CUX1: variants seen among roughly 807,000 people sequenced by gnomAD.
The protein encoded by CUX1 is protein CASP.
CUX1 carries 31 observed loss-of-function variants against 158.8 expected under a neutral mutation model. The observed-to-expected ratio is 0.20, with a 90% confidence interval of 0.15 to 0.26. The LOEUF (loss-of-function observed/expected upper bound fraction) is 0.26, where lower values mean the gene tolerates loss of function less well. Ranked by LOEUF, CUX1 falls within the 10% of genes least tolerant of loss-of-function variation. The pLI is 1.00. For missense variants in CUX1, 1,589 were observed against 2,014.6 expected (o/e 0.79, Z 4.04); for synonymous variants, 879 against 862.1 (o/e 1.02, Z -0.34).
At chr7:102,033,832 A>T (rs906906786) in intron 3 of CUX1, among the ~76,000 whole-genome samples, 2 of 152,132 alleles carry the variant, frequency 1.3e-5, no homozygotes, top group African/African-American at 4.8e-5. Flanking sequence ...CAAGAACAGT[A>T]CAAGAAAGGA....
At chr7:102,241,881 G>A (rs1349913420) in intron 23 of CUX1, among the ~76,000 whole-genome samples, 1 of 152,208 alleles carries the variant, frequency 6.6e-6, no homozygotes, top group Non-Finnish European at 1.5e-5. Context: ...GAGGTGGGAG[G>A]ATCACTTGAG....
At position 102,253,954 on chromosome 7, in the gene CUX1, A is replaced by G. The variant is rs113969687; in HGVS notation, c.*4912A>G. On this transcript the variant is annotated 3_prime_UTR_variant, in exon 24 of 24. Coordinates refer to ENST00000292535, the MANE Select transcript of CUX1 (RefSeq NM_181552.4). ...TCTACCTCACTAACCTGTCTTCTCC[A>G]TCTGATGTCACCCAGAACCACACCC... 10 of 985,298 alleles carry G rather than the reference A, an allele frequency of 1.0e-5. No homozygotes were observed. Among genetic ancestry groups the G allele is most frequent in the Non-Finnish European group, 1.1e-5 (9 of 829,986 alleles). 61.0% of individuals were successfully genotyped at this position (985,298 alleles called of 1,614,324 possible). A position where few individuals can be genotyped will look rare whatever the true frequency, so the allele number is the denominator to read the frequency against.
At chr7:101,852,479 A>G (rs953317813) in intron 1 of CUX1, among the ~76,000 whole-genome samples, 3 of 151,844 alleles carry the variant, frequency 2.0e-5, no homozygotes, top group African/African-American at 7.2e-5. Flanking sequence ...TTAGCTGGGC[A>G]TCGTGGCACA....
In CUX1 at chr7:102,205,099, CT is replaced by C; in HGVS notation, c.3074-10del. Reference sequence around the variant, plus strand: ...CCGCGTTCCTTCCTTTAATTATAACCTTTTTCTACTTTAGTCCTCCACTCCG... The same window carrying C: ...CCGCGTTCCTTCCTTTAATTATAACCTTTTCTACTTTAGTCCTCCACTCCG... On this transcript the variant is annotated splice_polypyrimidine_tract_variant and intron_variant, in intron 19 of 23. Transcript: ENST00000292535. 1.3e-6 allele frequency: 2 copies of C among 1,592,334 alleles called. No individual in the cohort carries two copies. Among genetic ancestry groups the C allele is most frequent in the Non-Finnish European group, 1.7e-6 (2 of 1,160,994 alleles).
intron 23 of CUX1, among the ~76,000 whole-genome samples, chr7:102,247,431 C>T (rs1046310911): frequency 4.6e-5 from 7 of 152,224 alleles, no homozygotes; most frequent in East Asian, 1.9e-4. Flanking sequence ...GCACACCAGG[C>T]GCCAGTGCAA....
chr7:102,139,244 T>TAAA lies in CUX1; in HGVS notation c.675-19295_675-19293dup, dbSNP rs11459794. ...TGGGCAACAGAGAGAGACTACATCT[T>TAAA]AAAAAAAAAAAAAAAAAAAAAAAGG... On this transcript the variant is annotated intron_variant, in intron 8 of 23. Coordinates refer to ENST00000292535, the MANE Select transcript of CUX1 (RefSeq NM_181552.4). Among the ~76,000 whole-genome samples, 198 of 93,128 alleles carry TAAA rather than the reference T, an allele frequency of 2.1e-3. 1 individual carries two copies. The highest frequency in any genetic ancestry group is 7.8e-3 in the African/African-American group (178 of 22,862). 61.1% of individuals were successfully genotyped at this position (93,128 alleles called of 152,430 possible).
In CUX1 at chr7:101,916,774, G is replaced by T. The variant is rs1350920127; in HGVS notation, c.141+549G>T. Among the ~76,000 whole-genome samples the T allele has an allele frequency of 6.6e-6, 1 of 152,194 alleles. No individual in the cohort carries two copies. Among genetic ancestry groups the T allele is most frequent in the African/African-American group, 2.4e-5 (1 of 41,450 alleles). ...ATATGCCGTAAAGGGCAATGGAAAT[G>T]TGCTTTTTATATACTCCTGTTTTTT... On this transcript the variant is annotated intron_variant, in intron 2 of 23. Transcript: ENST00000292535. This position sits in a 1 kb window ranked among gnomAD's most constrained non-coding sequence, Gnocchi z 4.4.
Position 101,916,594 on chromosome 7 carries a change from TGGGGTGGAA to T in CUX1, c.141+372_141+380del. 4.5e-6 allele frequency: 1 copy of T among 224,148 alleles called. No individual in the cohort carries two copies. The highest frequency in any genetic ancestry group is 9.3e-6 in the Non-Finnish European group (1 of 107,492). The allele number at this position is 224,148 out of a possible 1,614,324, so 13.9% of individuals were successfully genotyped here. A position where few individuals can be genotyped will look rare whatever the true frequency, so the allele number is the denominator to read the frequency against. On this transcript the variant is annotated intron_variant, in intron 2 of 23. Coordinates refer to ENST00000292535, the MANE Select transcript of CUX1 (RefSeq NM_181552.4). This position sits in a 1 kb window ranked among gnomAD's most constrained non-coding sequence, Gnocchi z 4.4. The stretch of plus-strand genomic sequence containing the variant: ...CCACCAAAGTCCATAAGGGATCCTG[TGGGGTGGAA>T]GGTCCGCGGGGCCTGCTTCCCTGTT...
In CUX1 at chr7:102,239,335, G is replaced by A. The variant is rs1238350719; in HGVS notation, c.3638G>A (p.Arg1213Gln). The change falls in exon 23 of 24, where the codon CGG becomes CAG. Residue 1213 changes from arginine (R) to glutamine (Q), a missense_variant. Arg to Gln is a conservative substitution (Grantham distance 43, BLOSUM62 1). Transcript: ENST00000292535. ...RMEKKAYMKR[R>Q]HSSVSDSQPC... ...TCCTCCGCAGCCTACATGAAGCGGC[G>A]GCACAGCTCAGTCAGTGACAGCCAG... 2.5e-6 allele frequency: 4 copies of A among 1,605,756 alleles called. No homozygotes were observed. The African/African-American group carries it at 4.0e-5, about 16-fold the overall frequency.
chr7:101,972,630 C>T (rs780196728), intron 2 of CUX1, among the ~76,000 whole-genome samples: 1 of 152,224 alleles, frequency 6.6e-6, no homozygotes, highest in Non-Finnish European at 1.5e-5. Context: ...TATTCACGCG[C>T]CCTCACCACC....
chr7:101,988,084 T>G (rs577697517), intron 2 of CUX1, among the ~76,000 whole-genome samples: 1 of 152,206 alleles, frequency 6.6e-6, no homozygotes, highest in African/African-American at 2.4e-5. Context: ...TGGTGGCGCA[T>G]GCCTGTAATC....
intron 2 of CUX1, among the ~76,000 whole-genome samples, chr7:102,017,305 A>AG (rs1292638089): frequency 1.7e-4 from 25 of 151,404 alleles, no homozygotes; most frequent in Non-Finnish European, 3.2e-4. Flanking sequence ...AAAAAAAAAA[A>AG]AGTGAGCTTG....
At chr7:101,895,171 C>A (rs1344156365) in intron 1 of CUX1, among the ~76,000 whole-genome samples, 1 of 152,110 alleles carries the variant, frequency 6.6e-6, no homozygotes, top group Non-Finnish European at 1.5e-5. Flanking sequence ...CAGGCATGCA[C>A]CACCACGCCT....
At chr7:101,954,455 T>C (rs1809505446) in intron 2 of CUX1, among the ~76,000 whole-genome samples, 1 of 152,234 alleles carries the variant, frequency 6.6e-6, no homozygotes, top group Admixed American at 6.5e-5. Context: ...GCTTGGTGCC[T>C]AGCGTCTTTT....
chr7:101,957,762 G>A (rs1326436244), intron 2 of CUX1, among the ~76,000 whole-genome samples: 3 of 152,064 alleles, frequency 2.0e-5, no homozygotes, highest in East Asian at 3.8e-4. Context: ...ACAAGAGAAT[G>A]TTACTTTTTA....
intron 1 of CUX1, among the ~76,000 whole-genome samples, chr7:101,856,191 A>G (rs1029451987): frequency 6.6e-6 from 1 of 150,568 alleles, no homozygotes; most frequent in Non-Finnish European, 1.5e-5. Flanking sequence ...TCAAAAAAAA[A>G]AAAAAAAAAA....
chr7:102,208,390 T>C (rs1165147306), intron 20 of CUX1, among the ~76,000 whole-genome samples: 7 of 152,126 alleles, frequency 4.6e-5, no homozygotes, highest in African/African-American at 1.7e-4. Context: ...ACTACAGGCA[T>C]GCGCCAGCAC....
chr7:101,945,176 G>A (rs1808223386), intron 2 of CUX1, among the ~76,000 whole-genome samples: 1 of 152,054 alleles, frequency 6.6e-6, no homozygotes, highest in Non-Finnish European at 1.5e-5. Flanking sequence ...TTGCAGACAG[G>A]GCAGAGCGAC....
At chr7:102,142,504 A>G (rs1834566343) in intron 8 of CUX1, among the ~76,000 whole-genome samples, 1 of 152,182 alleles carries the variant, frequency 6.6e-6, no homozygotes, top group African/African-American at 2.4e-5. Flanking sequence ...TCACACCTGT[A>G]AGCCCAGCTA....
Sources: allele counts gnomAD v4.1 joint callset (sites outside exome capture counted in the v4.1 genomes callset), GRCh38; gene constraint gnomAD v4.1.1; non-coding constraint Gnocchi (gnomAD v3.1); transcripts MANE v1.5; gene names NCBI Gene and HGNC (gene_info 2026-07-23, HGNC 2026-07-21).